The following GPAM variants were observed in gnomAD, a reference collection of about 807,000 sequenced individuals.
GPAM encodes glycerol-3-phosphate acyltransferase 1, mitochondrial.
Under a neutral mutation model 105.0 loss-of-function variants are expected in GPAM, and 56 were observed. The observed-to-expected ratio is 0.53, with a 90% CI of 0.43 to 0.67. The LOEUF (loss-of-function observed/expected upper bound fraction) is 0.67, where lower values mean the gene tolerates loss of function less well. Among genes scored for constraint, GPAM ranks in the 30% least tolerant of loss-of-function variants. The pLI is 0.00. For synonymous variants in GPAM, 368 were observed against 354.4 expected, an observed-to-expected ratio of 1.04 and a Z score of -0.43; for missense variants, 855 against 989.8, an observed-to-expected ratio of 0.86 and a Z score of 1.83.
chr10:112,203,652 A>C (rs529870358), intron 1 of GPAM, among the ~76,000 whole-genome samples: 23 of 152,358 alleles, frequency 1.5e-4, no homozygotes, highest in African/African-American at 5.5e-4. Flanking sequence ...GATACACATT[A>C]CTAACAATAA....
chr10:112,166,107 C>G (rs1005609848), intron 12 of GPAM, among the ~76,000 whole-genome samples: 1 of 152,054 alleles, frequency 6.6e-6, no homozygotes, highest in Non-Finnish European at 1.5e-5. Context: ...AATACTAAAA[C>G]TTATTCCTTC....
intron 5 of GPAM, among the ~76,000 whole-genome samples, chr10:112,177,634 T>G (rs1357741223): frequency 6.6e-6 from 1 of 152,354 alleles, no homozygotes; most frequent in Admixed American, 6.5e-5. Flanking sequence ...ATACTTTTTT[T>G]AAGTATTAAA....
intron 1 of GPAM, among the ~76,000 whole-genome samples, chr10:112,204,623 C>T (rs1184621730): frequency 1.3e-5 from 2 of 151,268 alleles, no homozygotes; most frequent in African/African-American, 4.9e-5. Context: ...ATGAAGCTCA[C>T]ATGGCTAGTA....
At chr10:112,156,085 G>C in intron 19 of GPAM, 32 bp from the exon 20 acceptor site, 1 of 1,519,878 alleles carries the variant, frequency 6.6e-7, no homozygotes, top group Non-Finnish European at 9.1e-7. Context: ...ATGAAGTCAT[G>C]AGGAAGGGAC....
chr10:112,202,225 G>A (rs766137314), intron 1 of GPAM, among the ~76,000 whole-genome samples: 1 of 152,238 alleles, frequency 6.6e-6, no homozygotes, highest in South Asian at 2.1e-4. Flanking sequence ...CATAAAAGCA[G>A]CCTTAGACAG....
At chr10:112,183,165 A>G (rs1726336750) in intron 1 of GPAM, among the ~76,000 whole-genome samples, 1 of 152,200 alleles carries the variant, frequency 6.6e-6, no homozygotes, top group Non-Finnish European at 1.5e-5. Context: ...TAAGTTGGTT[A>G]ACTTCTATGC....
At chr10:112,208,678 A>C (rs759958307) in intron 1 of GPAM, among the ~76,000 whole-genome samples, 1 of 152,128 alleles carries the variant, frequency 6.6e-6, no homozygotes, top group African/African-American at 2.4e-5. Flanking sequence ...TGCTTCTCGG[A>C]CTCTGAGCTA....
chr10:112,207,216 T>C (rs1847861830), intron 1 of GPAM, among the ~76,000 whole-genome samples: 1 of 152,166 alleles, frequency 6.6e-6, no homozygotes, highest in Non-Finnish European at 1.5e-5. Context: ...ACTGCTAAAC[T>C]TCCTATGATG....
chr10:112,211,250 C>T (rs1164199994), intron 1 of GPAM, among the ~76,000 whole-genome samples: 1 of 152,168 alleles, frequency 6.6e-6, no homozygotes, highest in South Asian at 2.1e-4. Context: ...CTTCTCTCCA[C>T]CAGCAGAAGC....
chr10:112,194,046 G>T (rs1847694950), intron 1 of GPAM, among the ~76,000 whole-genome samples: 1 of 152,180 alleles, frequency 6.6e-6, no homozygotes, highest in Non-Finnish European at 1.5e-5. Flanking sequence ...AACAGAGTTT[G>T]TTTCTTGCCT....
chr10:112,208,090 G>A (rs1006556941), intron 1 of GPAM, among the ~76,000 whole-genome samples: 2 of 152,174 alleles, frequency 1.3e-5, no homozygotes, highest in African/African-American at 4.8e-5. Flanking sequence ...TGTCTCAAGT[G>A]TCAGGATAAC....
upstream of GPAM, among the ~76,000 whole-genome samples, chr10:112,184,626 T>C (rs953049496): frequency 6.6e-6 from 1 of 152,188 alleles, no homozygotes; most frequent in Admixed American, 6.5e-5. Context: ...CAATGGCTTT[T>C]AAACGTTGTG....
rs1440532538 is a variant in GPAM, at chr10:112,193,292, G to A, written n.211-10401C>T. On this transcript the variant is annotated intron_variant and non_coding_transcript_variant, in intron 1 of 3. Coordinates refer to the GPAM transcript ENST00000480130. ...TAGGCTACAACTGGGACCAAGGAGG[G>A]GGTCCTGACCAGGAGGAGCCAAAAC... Among the ~76,000 whole-genome samples the A allele has an allele frequency of 3.9e-5, 6 of 152,280 alleles. No individual in the cohort carries two copies. The South Asian group carries it at 1.0e-3, about 26-fold the overall frequency.
At chr10:112,221,527 C>T in the GPAM span, among the ~76,000 whole-genome samples, 2 of 152,180 alleles carry the variant, frequency 1.3e-5, no homozygotes, top group African/African-American at 2.4e-5. Flanking sequence ...AATTATGATG[C>T]CCACTCAAAT....
chr10:112,156,979 G>A, intron 19 of GPAM: 1 of 597,326 alleles, frequency 1.7e-6, no homozygotes. Context: ...TAGGTAAACA[G>A]GTATGCACCT....
intron 1 of GPAM, among the ~76,000 whole-genome samples, chr10:112,207,493 C>T (rs1373292291): frequency 6.6e-6 from 1 of 152,190 alleles, no homozygotes; most frequent in African/African-American, 2.4e-5. Flanking sequence ...CTGCTGCCCA[C>T]CAGCTTCATG....
Position 112,157,246 on chromosome 10 carries a change from T to C in GPAM, c.2121+3A>G. ...TATCCACCAGAATTCTTCACCCAAGTACCTTCAGGTAGCAATCTCGCTGTT... is the reference window on the plus strand; with the variant it reads ...TATCCACCAGAATTCTTCACCCAAGCACCTTCAGGTAGCAATCTCGCTGTT... On this transcript the variant is annotated splice_donor_region_variant and intron_variant, in intron 19 of 21. Coordinates refer to ENST00000348367, the MANE Select transcript of GPAM (RefSeq NM_001244949.2). The C allele has an allele frequency of 6.2e-7, 1 of 1,612,630 alleles. No individual in the cohort carries two copies. Among genetic ancestry groups the C allele is most frequent in the Non-Finnish European group, 8.5e-7 (1 of 1,178,618 alleles).
At chr10:112,154,428 A>G in intron 21 of GPAM, 1 of 598,110 alleles carries the variant, frequency 1.7e-6, no homozygotes, top group Non-Finnish European at 3.0e-6. Context: ...GAACATTCAA[A>G]TAAATCTACA....
chr10:112,199,474 C>T (rs1007027781), intron 1 of GPAM, among the ~76,000 whole-genome samples: 1 of 152,082 alleles, frequency 6.6e-6, no homozygotes, highest in African/African-American at 2.4e-5. Context: ...ATCTCTTGTA[C>T]AGCATAGTGA....
Sources: allele counts gnomAD v4.1 joint callset (sites outside exome capture counted in the v4.1 genomes callset), GRCh38; gene constraint gnomAD v4.1.1; transcripts MANE v1.5; gene names NCBI Gene and HGNC (gene_info 2026-07-23, HGNC 2026-07-21).